The following MTHFD1L variants were observed in gnomAD, a reference collection of about 807,000 sequenced individuals.
MTHFD1L encodes the protein methylenetetrahydrofolate dehydrogenase (NADP+ dependent) 1 like, also known as monofunctional C1-tetrahydrofolate synthase, mitochondrial.
Under a neutral mutation model 119.5 loss-of-function variants are expected in MTHFD1L, and 81 were observed. That is an observed-to-expected ratio of 0.68 (90% CI 0.57 to 0.82). The LOEUF (loss-of-function observed/expected upper bound fraction) is 0.82. Ranked by LOEUF, MTHFD1L falls within the 40% of genes least tolerant of loss-of-function variation. The pLI is 0.00. For missense variants in MTHFD1L, 1,125 were observed against 1,253.4 expected (o/e 0.90, Z 1.55); for synonymous variants, 430 against 475.2 (o/e 0.90, Z 1.24).
At chr6:151,081,498 C>CAAAAAAAAAA (rs56795003) in intron 26 of MTHFD1L, among the ~76,000 whole-genome samples, 7 of 98,188 alleles carry the variant, frequency 7.1e-5, no homozygotes, top group African/African-American at 1.4e-4. Flanking sequence ...ACTAAAAATG[C>CAAAAAAAAAA]AAAAAAAAAA....
intron 8 of MTHFD1L, among the ~76,000 whole-genome samples, chr6:150,910,612 T>C (rs189858436): frequency 6.6e-6 from 1 of 152,224 alleles, no homozygotes; most frequent in Admixed American, 6.5e-5. Flanking sequence ...TGTGTGACTT[T>C]GAGGAAATAA....
At chr6:151,072,068 C>A (rs1792003674) in intron 26 of MTHFD1L, among the ~76,000 whole-genome samples, 1 of 152,104 alleles carries the variant, frequency 6.6e-6, no homozygotes. Context: ...GTCTCGAACT[C>A]CTGACTCACC....
rs964489938 is a variant in MTHFD1L, at chr6:150,881,436, CAT to C, written c.418-1324_418-1323del. 1.8e-4 allele frequency among the ~76,000 whole-genome samples: 27 copies of C among 152,090 alleles called. 1 individual carries two copies. The highest frequency in any genetic ancestry group is 5.6e-4 in the African/African-American group (23 of 41,388). On this transcript the variant is annotated intron_variant, in intron 4 of 27. Coordinates refer to ENST00000367321, the MANE Select transcript of MTHFD1L (RefSeq NM_015440.5). ...CCGTATTTTTCTTTGGGAAAATTCT[CAT>C]AGAGTGAATTTGTATGGTGTTATAT...
chr6:150,898,068 TCCTGA>T (rs1784535022), intron 7 of MTHFD1L, among the ~76,000 whole-genome samples: 1 of 152,280 alleles, frequency 6.6e-6, no homozygotes, highest in South Asian at 2.1e-4. Context: ...GGTCTCGAAC[TCCTGA>T]CCTCAGGTGA....
chr6:150,866,242 G>A (rs1256609481), intron 1 of MTHFD1L, 193 bp downstream of exon 1: 10 of 1,406,510 alleles, frequency 7.1e-6, no homozygotes, highest in Non-Finnish European at 9.3e-6. Flanking sequence ...GGCGGAGAAC[G>A]GGGGATCCAG....
chr6:151,010,422 G>A (rs1782056877), intron 21 of MTHFD1L, among the ~76,000 whole-genome samples: 1 of 152,180 alleles, frequency 6.6e-6, no homozygotes, highest in Non-Finnish European at 1.5e-5. Context: ...TCGGTTCACT[G>A]ATGCTGCAAC....
intron 26 of MTHFD1L, among the ~76,000 whole-genome samples, chr6:151,091,316 A>C (rs1794426163): frequency 8.7e-6 from 1 of 115,210 alleles, no homozygotes. Flanking sequence ...GGTTTGTATG[A>C]AACACTCACT....
intron 11 of MTHFD1L, chr6:150,935,610 T>C: frequency 1.5e-6 from 2 of 1,353,512 alleles, no homozygotes; most frequent in Non-Finnish European, 2.0e-6. Flanking sequence ...TTTTCTCTGG[T>C]CTGATTTTGA....
chr6:151,012,051 A>AAAC (rs1782351135), intron 21 of MTHFD1L, among the ~76,000 whole-genome samples: 1 of 146,214 alleles, frequency 6.8e-6, no homozygotes, highest in Non-Finnish European at 1.5e-5. Flanking sequence ...AAAAAAAAAA[A>AAAC]CCAGCAGGGA....
chr6:150,937,085 G>C (rs1044955077), intron 12 of MTHFD1L, 145 bp downstream of exon 12: 10 of 1,022,726 alleles, frequency 9.8e-6, no homozygotes, highest in Non-Finnish European at 1.2e-5. Flanking sequence ...CATAGTGGTC[G>C]CCCCATGTTG....
chr6:150,893,291 C>T (rs1317332177), intron 7 of MTHFD1L, among the ~76,000 whole-genome samples: 1 of 152,156 alleles, frequency 6.6e-6, no homozygotes, highest in African/African-American at 2.4e-5. Context: ...TCTCGAACTC[C>T]TGACCTCAAG....
At chr6:150,970,341 A>G (rs1394850350) in intron 19 of MTHFD1L, among the ~76,000 whole-genome samples, 1 of 152,176 alleles carries the variant, frequency 6.6e-6, no homozygotes, top group Admixed American at 6.5e-5. Context: ...ACATTTTCCC[A>G]CAGGTTAGCC....
chr6:150,889,529 A>G (rs1190176613), intron 7 of MTHFD1L, among the ~76,000 whole-genome samples: 1 of 152,268 alleles, frequency 6.6e-6, no homozygotes, highest in Non-Finnish European at 1.5e-5. Flanking sequence ...GATATTTACA[A>G]CAAACATTTA....
Position 150,865,705 on chromosome 6 carries a change from G to T in MTHFD1L, c.-118G>T. The T allele has an allele frequency of 1.1e-6, 1 of 894,508 alleles. No homozygotes were observed. The highest frequency in any genetic ancestry group is 1.4e-6 in the Non-Finnish European group (1 of 715,158). 55.4% of individuals were successfully genotyped at this position (894,508 alleles called of 1,614,324 possible). A position where few individuals can be genotyped will look rare whatever the true frequency, so the allele number is the denominator to read the frequency against. On this transcript the variant is annotated 5_prime_UTR_variant, in exon 1 of 28. Coordinates refer to ENST00000367321, the MANE Select transcript of MTHFD1L (RefSeq NM_015440.5). ...CCCTAGGGGCCCCTGGGACGAGGAG[G>T]AAGCGCCAGGTCCTTCCCGCCGCCG...
intron 7 of MTHFD1L, among the ~76,000 whole-genome samples, chr6:150,892,606 A>G (rs1164578464): frequency 6.6e-6 from 1 of 152,174 alleles, no homozygotes; most frequent in African/African-American, 2.4e-5. Context: ...AGAAATGTTC[A>G]TAGCCCCGCC....
At chr6:151,056,602 T>C (rs1258354234) in intron 26 of MTHFD1L, among the ~76,000 whole-genome samples, 1 of 152,236 alleles carries the variant, frequency 6.6e-6, no homozygotes, top group African/African-American at 2.4e-5. Flanking sequence ...ACGTGTTCTA[T>C]AACGTCGTGT....
chr6:151,080,404 G>A (rs539006052), intron 26 of MTHFD1L, among the ~76,000 whole-genome samples: 2 of 152,298 alleles, frequency 1.3e-5, no homozygotes, highest in East Asian at 3.9e-4. Context: ...GTGAGAGGAT[G>A]GAGGAGAAAC....
intron 26 of MTHFD1L, among the ~76,000 whole-genome samples, chr6:151,072,856 G>A (rs1283591141): frequency 6.6e-6 from 1 of 152,112 alleles, no homozygotes; most frequent in Non-Finnish European, 1.5e-5. Context: ...GATACATAAT[G>A]TTATGTTAAA....
intron 20 of MTHFD1L, among the ~76,000 whole-genome samples, chr6:150,996,492 C>T (rs1307729602): frequency 3.3e-5 from 5 of 152,152 alleles, no homozygotes; most frequent in Admixed American, 6.6e-5. Context: ...TTAACATCAG[C>T]AGCAGCAGAA....
Sources: gnomAD v4.1 joint callset for allele counts (sites outside exome capture counted in the v4.1 genomes callset) on GRCh38, gnomAD v4.1.1 for gene constraint, MANE v1.5 for transcripts, NCBI Gene and HGNC (gene_info 2026-07-23, HGNC 2026-07-21) for gene names.